Variants in FAM153A observed in about 807,000 individuals in gnomAD.
The protein encoded by FAM153A is family with sequence similarity 153 member A, also known as protein FAM153A.
A neutral mutation model predicts 48.1 loss-of-function variants in FAM153A; 12 were observed. That is an observed-to-expected ratio of 0.25 (90% CI 0.16 to 0.40). The LOEUF (loss-of-function observed/expected upper bound fraction) is 0.40. Ranked by LOEUF, FAM153A falls within the 10% of genes least tolerant of loss-of-function variation. The pLI, the probability that FAM153A is intolerant of heterozygous loss-of-function variation, is 1.00. For synonymous variants in FAM153A, 36 were observed against 118.2 expected, an observed-to-expected ratio of 0.30 and a Z score of 4.51; for missense variants, 111 against 345.8, an observed-to-expected ratio of 0.32 and a Z score of 5.38.
chr5:177,721,915 G>A (rs1424898769), downstream of FAM153A: 2 of 149,586 alleles, frequency 1.3e-5, no homozygotes, highest in African/African-American at 5.0e-5. Context: ...ACCATACTAT[G>A]GATTTGTTTT....
intron 26 of FAM153A, chr5:177,713,320 A>G (rs1198133773): frequency 3.5e-5 from 5 of 144,018 alleles, no homozygotes; most frequent in Admixed American, 7.2e-5. Context: ...GCACGATCTC[A>G]GCTCACTGCA....
At chr5:177,699,282 C>A in the FAM153A span, among the ~76,000 whole-genome samples, 1 of 150,544 alleles carries the variant, frequency 6.6e-6, no homozygotes, top group Admixed American at 6.6e-5. Context: ...CTTTAAGAAA[C>A]TGGAAAAGAA....
chr5:177,711,532 A>C (rs774029719), exon 27 of FAM153A: 12 of 151,984 alleles, frequency 7.9e-5, no homozygotes, highest in Non-Finnish European at 1.8e-4. Flanking sequence ...GATTATAAAA[A>C]TGGTTATAGA....
intron 25 of FAM153A, among the ~76,000 whole-genome samples, chr5:177,715,376 AATAAG>A (rs1244939081): frequency 1.3e-5 from 2 of 150,512 alleles, no homozygotes; most frequent in Non-Finnish European, 2.9e-5. Context: ...GCTGTCACTC[AATAAG>A]ATAAGAAAGC....
At chr5:177,707,063 G>A (rs1320818864), downstream of FAM153A, among the ~76,000 whole-genome samples, 1 of 151,996 alleles carries the variant, frequency 6.6e-6, no homozygotes. Flanking sequence ...AGAGTTATTC[G>A]AGCAACAGAC....
the FAM153A span, among the ~76,000 whole-genome samples, chr5:177,695,688 T>TCTTTCTTTTCCCCACATTTCCCC: frequency 6.6e-6 from 1 of 151,536 alleles, no homozygotes; most frequent in African/African-American, 2.4e-5. Context: ...CAATCTGATC[T>TCTTTCTTTTCCCCACATTTCCCC]CTTTCTTTTC....
chr5:177,718,335 T>C (rs1010567313), downstream of FAM153A: 3 of 86,128 alleles, frequency 3.5e-5, no homozygotes, highest in African/African-American at 1.2e-4. Context: ...AATTCATACC[T>C]GTAAAAAACA....
At chr5:177,726,912 AC>A (rs1334473611) in intron 18 of FAM153A, among the ~76,000 whole-genome samples, 1 of 110,616 alleles carries the variant, frequency 9.0e-6, no homozygotes, top group Non-Finnish European at 1.8e-5. Flanking sequence ...GGCCAGACTC[AC>A]AGCAGCTGCT....
chr5:177,743,585 T>A (rs1304255838), intron 6 of FAM153A, among the ~76,000 whole-genome samples: 1 of 116,484 alleles, frequency 8.6e-6, no homozygotes, highest in Non-Finnish European at 1.8e-5. Flanking sequence ...TGCAGGCTCC[T>A]CTCTTCTCAG....
At chr5:177,716,963 TAGTGTGTGTGTGTGTGTG>T (rs1759943834) in intron 24 of FAM153A, among the ~76,000 whole-genome samples, 1 of 56,354 alleles carries the variant, frequency 1.8e-5, no homozygotes, top group African/African-American at 7.5e-5. Flanking sequence ...CATTCCCGCT[TAGTGTGTGTGTGTGTGTG>T]TGTGTGTGTG....
At chr5:177,717,227 T>TGA (rs1760046447) in exon 24 of FAM153A, 1 of 139,856 alleles carries the variant, frequency 7.2e-6, no homozygotes, top group Non-Finnish European at 1.5e-5. Flanking sequence ...CAGACGAGTG[T>TGA]GAGCCATGAG....
intron 4 of FAM153A, 178 bp downstream of exon 6, chr5:177,747,591 G>C: frequency 6.8e-6 from 5 of 732,896 alleles, no homozygotes; most frequent in Non-Finnish European, 1.2e-5. Context: ...AAGCACCAGA[G>C]TCAACAGTCA....
At chr5:177,700,430 A>ATTTTACTTCCACCTT in the FAM153A span, among the ~76,000 whole-genome samples, 1 of 151,900 alleles carries the variant, frequency 6.6e-6, no homozygotes, top group African/African-American at 2.4e-5. Context: ...AATATAGAAA[A>ATTTTACTTCCACCTT]TCCTAAGGCA....
At chr5:177,703,183 C>A (rs994274223), downstream of FAM153A, among the ~76,000 whole-genome samples, 4 of 152,144 alleles carry the variant, frequency 2.6e-5, no homozygotes, top group Non-Finnish European at 5.9e-5. Flanking sequence ...TGCAAAGCCA[C>A]AGGGGCAGAG....
chr5:177,703,149 AGAGTGGTGTCGGGGGCT>A (rs747900694), downstream of FAM153A, among the ~76,000 whole-genome samples: 661 of 152,282 alleles, frequency 4.3e-3, no homozygotes, highest in Non-Finnish European at 7.5e-3. Flanking sequence ...CCAGCCCTTG[AGAGTGGTGTCGGGGGCT>A]GAGCCTTGCA....
chr5:177,753,977 CGGACAGTGGGTGCA>C (rs1322271243), upstream of FAM153A, among the ~76,000 whole-genome samples: 3 of 151,902 alleles, frequency 2.0e-5, no homozygotes, highest in African/African-American at 2.4e-5. Flanking sequence ...TGGGGATTGT[CGGACAGTGGGTGCA>C]GGACAGTGGG....
intron 18 of FAM153A, among the ~76,000 whole-genome samples, chr5:177,728,604 G>A (rs1325287355): frequency 6.9e-6 from 1 of 145,318 alleles, no homozygotes; most frequent in Non-Finnish European, 1.5e-5. Flanking sequence ...AGTTTCGCTC[G>A]TTGCCCAGGC....
intron 1 of FAM153A, among the ~76,000 whole-genome samples, chr5:177,768,945 C>T (rs1270702810): frequency 1.1e-4 from 11 of 99,136 alleles, no homozygotes; most frequent in African/African-American, 4.0e-4. Context: ...GAGAACCAGC[C>T]GGGTGCAGTG....
rs1380318197 is a variant in FAM153A at position 177,766,106 on chromosome 5, G to A, written c.-57+14343C>T. ...CACTCCAGCCTGGGCAGCAGAGAGA[G>A]ACTGTCTCAAAAAAACAAAATAAAA... On this transcript the variant is annotated intron_variant, in intron 1 of 8. Coordinates refer to the FAM153A transcript ENST00000393518. Among the ~76,000 whole-genome samples the A allele has an allele frequency of 1.7e-4, 18 of 106,452 alleles. 4 individuals are homozygous for A. Among genetic ancestry groups the A allele is most frequent in the African/African-American group, 5.3e-4 (17 of 31,970 alleles). 69.8% of individuals were successfully genotyped at this position (106,452 alleles called of 152,430 possible). A position where few individuals can be genotyped will look rare whatever the true frequency, so the allele number is the denominator to read the frequency against.
Sources: gnomAD v4.1 joint callset for allele counts (sites outside exome capture counted in the v4.1 genomes callset) on GRCh38, gnomAD v4.1.1 for gene constraint, MANE v1.5 for transcripts, NCBI Gene and HGNC (gene_info 2026-07-23, HGNC 2026-07-21) for gene names.